GRM7: variants seen among roughly 807,000 people sequenced by gnomAD.
GRM7 encodes the protein glutamate metabotropic receptor 7, also known as metabotropic glutamate receptor 7.
A neutral mutation model predicts 84.5 loss-of-function variants in GRM7; 35 were observed. The observed-to-expected ratio is 0.41, with a 90% CI of 0.32 to 0.55. The LOEUF is 0.55. GRM7 is among the 20% of genes least tolerant of loss of function. GRM7 has a pLI of 0.19. For synonymous variants in GRM7, 487 were observed against 455.1 expected, an observed-to-expected ratio of 1.07 and a Z score of -0.89; for missense variants, 1,003 against 1,194.6, an observed-to-expected ratio of 0.84 and a Z score of 2.36.
At chr3:7,028,438 G>A (rs1279436623) in intron 1 of GRM7, among the ~76,000 whole-genome samples, 1 of 152,184 alleles carries the variant, frequency 6.6e-6, no homozygotes, top group Non-Finnish European at 1.5e-5. Flanking sequence ...GGGAATCTGT[G>A]TGTTAGTTTT....
At chr3:7,122,593 A>G (rs1413140459) in intron 1 of GRM7, among the ~76,000 whole-genome samples, 1 of 152,192 alleles carries the variant, frequency 6.6e-6, no homozygotes, top group African/African-American at 2.4e-5. Context: ...TTTGCAAAAA[A>G]TGGTGGTAAA....
chr3:7,055,647 A>G (rs1697193308), intron 1 of GRM7, among the ~76,000 whole-genome samples: 1 of 151,658 alleles, frequency 6.6e-6, no homozygotes, highest in Non-Finnish European at 1.5e-5. Flanking sequence ...CAGCCTCTCA[A>G]GAAGCTGGGA....
chr3:7,463,010 G>T (rs1559340235), intron 7 of GRM7, among the ~76,000 whole-genome samples: 1 of 152,026 alleles, frequency 6.6e-6, no homozygotes, highest in Non-Finnish European at 1.5e-5. Flanking sequence ...AGGTGGGGGA[G>T]TAGTAATCAA....
intron 2 of GRM7, among the ~76,000 whole-genome samples, chr3:7,189,379 T>A (rs1695631584): frequency 1.3e-5 from 2 of 152,168 alleles, no homozygotes; most frequent in African/African-American, 4.8e-5. Context: ...TCCTTTCCAA[T>A]GAATGTGCTT....
chr3:6,892,186 G>A (rs961702337), intron 1 of GRM7, among the ~76,000 whole-genome samples: 3 of 152,046 alleles, frequency 2.0e-5, no homozygotes, highest in Non-Finnish European at 2.9e-5. Flanking sequence ...ACAGTCAGAT[G>A]ACCTAGGATT....
intron 5 of GRM7, among the ~76,000 whole-genome samples, chr3:7,442,916 T>G (rs1697351383): frequency 6.6e-6 from 1 of 152,176 alleles, no homozygotes; most frequent in Admixed American, 6.6e-5. Context: ...TGGTACATGG[T>G]AGATATCCTT....
chr3:6,945,563 T>C (rs1305687457), intron 1 of GRM7, among the ~76,000 whole-genome samples: 4 of 152,130 alleles, frequency 2.6e-5, no homozygotes, highest in Non-Finnish European at 5.9e-5. Context: ...TTTATAATCC[T>C]TTGGGTATAT....
At position 7,173,462 on chromosome 3, in the gene GRM7, A is replaced by G. The variant is rs969024456; in HGVS notation, c.736+26794A>G. ...GCATTTCATATGTTACATGTTTCTAAAGTTGTCCAGTGGTTTGTCATTTAT... is the reference window on the plus strand; with the variant it reads ...GCATTTCATATGTTACATGTTTCTAGAGTTGTCCAGTGGTTTGTCATTTAT... On this transcript the variant is annotated intron_variant, in intron 2 of 9. Coordinates refer to ENST00000357716, the MANE Select transcript of GRM7 (RefSeq NM_000844.4). 3.3e-5 allele frequency among the ~76,000 whole-genome samples: 5 copies of G among 152,106 alleles called. 1 individual carries two copies. Among genetic ancestry groups the G allele is most frequent in the Admixed American group, 3.3e-4 (5 of 15,266 alleles).
chr3:7,680,816 A>G, intron 9 of GRM7: 1 of 160,802 alleles, frequency 6.2e-6, no homozygotes, highest in Non-Finnish European at 1.4e-5. Flanking sequence ...ACAGGGCCAG[A>G]CACTACCATG....
At chr3:7,649,093 G>A (rs1698804904) in intron 8 of GRM7, among the ~76,000 whole-genome samples, 1 of 150,346 alleles carries the variant, frequency 6.7e-6, no homozygotes, top group African/African-American at 2.5e-5. Flanking sequence ...TTTTTGAGAT[G>A]GAGTCTCGCT....
chr3:7,399,209 TAATAA>T (rs1184082246), intron 4 of GRM7, among the ~76,000 whole-genome samples: 6 of 129,918 alleles, frequency 4.6e-5, no homozygotes, highest in African/African-American at 1.7e-4. Flanking sequence ...ATAATAATAA[TAATAA>T]AATGTCCTCA....
intron 1 of GRM7, among the ~76,000 whole-genome samples, chr3:7,013,021 T>C (rs1695433123): frequency 6.6e-6 from 1 of 152,026 alleles, no homozygotes; most frequent in African/African-American, 2.4e-5. Context: ...ATTACAGGTA[T>C]GAGCAATGGC....
Position 7,179,870 on chromosome 3 carries a change from T to C in GRM7, c.736+33202T>C, listed in dbSNP as rs571065878. 2.0e-5 allele frequency among the ~76,000 whole-genome samples: 3 copies of C among 152,330 alleles called. No homozygotes were observed. The East Asian group carries it at 5.8e-4, about 29-fold the overall frequency. On this transcript the variant is annotated intron_variant, in intron 2 of 9. Transcript: ENST00000357716. ...GGAAACACTCAATTTACCTTGGCTT[T>C]TAAAATTTTACACAAAAGTGAAAGT... is the stretch of plus-strand genomic sequence containing the variant.
At chr3:7,559,976 C>T (rs1194997953) in intron 7 of GRM7, among the ~76,000 whole-genome samples, 1 of 151,984 alleles carries the variant, frequency 6.6e-6, no homozygotes, top group Non-Finnish European at 1.5e-5. Context: ...CTGTATGAAC[C>T]TCATTTAAAC....
intron 2 of GRM7, among the ~76,000 whole-genome samples, chr3:7,178,077 T>C (rs1333219571): frequency 6.6e-6 from 1 of 152,232 alleles, no homozygotes; most frequent in Non-Finnish European, 1.5e-5. Context: ...ATTTAATGTA[T>C]TGGTTAAGCA....
intron 1 of GRM7, among the ~76,000 whole-genome samples, chr3:7,043,066 G>C (rs1018176562): frequency 6.6e-6 from 1 of 152,152 alleles, no homozygotes; most frequent in Non-Finnish European, 1.5e-5. Flanking sequence ...TGTCTCCAAT[G>C]CTCCATACAT....
chr3:7,724,507 G>A (rs758327635), intron 9 of GRM7, among the ~76,000 whole-genome samples: 9 of 152,126 alleles, frequency 5.9e-5, no homozygotes, highest in Non-Finnish European at 1.3e-4. Context: ...TAGGTAACTA[G>A]AAGAACTGCT....
chr3:7,192,917 T>C (rs963775501), intron 2 of GRM7, among the ~76,000 whole-genome samples: 3 of 152,134 alleles, frequency 2.0e-5, no homozygotes, highest in Non-Finnish European at 4.4e-5. Context: ...ACTAATCCCC[T>C]GGATCTATCC....
At chr3:6,939,099 A>T (rs1232390573) in intron 1 of GRM7, among the ~76,000 whole-genome samples, 1 of 152,236 alleles carries the variant, frequency 6.6e-6, no homozygotes, top group East Asian at 1.9e-4. Flanking sequence ...CAAAATCACA[A>T]GATGTTCAAC....
Sources: gnomAD v4.1 joint callset for allele counts (sites outside exome capture counted in the v4.1 genomes callset) on GRCh38, gnomAD v4.1.1 for gene constraint, MANE v1.5 for transcripts, NCBI Gene and HGNC (gene_info 2026-07-23, HGNC 2026-07-21) for gene names.